MREG: variants seen among roughly 807,000 people sequenced by gnomAD.
MREG encodes the protein dilute suppressor protein homolog.
Under a neutral mutation model 28.5 loss-of-function variants are expected in MREG, and 31 were observed. That is an observed-to-expected ratio of 1.09 (90% CI 0.82 to 1.47). The LOEUF (loss-of-function observed/expected upper bound fraction) is 1.47, where lower values mean the gene tolerates loss of function less well. MREG is among the 40% of genes most tolerant of loss of function. MREG has a pLI of 0.00. For synonymous variants in MREG, 106 were observed against 95.2 expected (o/e 1.11, Z -0.66); for missense variants, 256 against 257.4 (o/e 0.99, Z 0.04).
chr2:216,009,502 C>T (rs1694242772), intron 1 of MREG, among the ~76,000 whole-genome samples: 1 of 152,130 alleles, frequency 6.6e-6, no homozygotes, highest in Non-Finnish European at 1.5e-5. Context: ...ATCTCCCAGG[C>T]CTCTGATGTC....
intron 1 of MREG, among the ~76,000 whole-genome samples, chr2:216,021,276 T>C (rs1194876328): frequency 2.6e-5 from 4 of 152,018 alleles, no homozygotes; most frequent in African/African-American, 9.7e-5. Context: ...GCCTCCCGAG[T>C]AGCTGGGACC....
At chr2:216,011,117 TG>T (rs1694297874) in intron 1 of MREG, among the ~76,000 whole-genome samples, 2 of 142,464 alleles carry the variant, frequency 1.4e-5, no homozygotes, top group African/African-American at 5.3e-5. Flanking sequence ...AAAAAAATAG[TG>T]GTGATTGTTG....
rs1192370069 is a variant in MREG at position 215,943,245 on chromosome 2, A to G, written c.*1618T>C. The G allele has an allele frequency of 3.0e-6, 1 of 335,546 alleles. No homozygotes were observed. Among genetic ancestry groups the G allele is most frequent in the Non-Finnish European group, 5.9e-6 (1 of 168,190 alleles). 20.8% of individuals were successfully genotyped at this position (335,546 alleles called of 1,614,324 possible). On this transcript the variant is annotated 3_prime_UTR_variant, in exon 5 of 5. Coordinates refer to ENST00000263268, the MANE Select transcript of MREG (RefSeq NM_018000.3). ...AAATCCTTAAAGTCTTTTCAGTAAC[A>G]TGAACCATGATCTCTTGACAAGTTC...
At chr2:215,974,878 T>C (rs901096593) in intron 2 of MREG, among the ~76,000 whole-genome samples, 6 of 143,428 alleles carry the variant, frequency 4.2e-5, no homozygotes, top group African/African-American at 1.3e-4. Context: ...TCTCTCTCCC[T>C]CTCTCCACCT....
chr2:215,979,671 T>C (rs1198535569), intron 2 of MREG, among the ~76,000 whole-genome samples: 1 of 151,854 alleles, frequency 6.6e-6, no homozygotes, highest in Non-Finnish European at 1.5e-5. Flanking sequence ...GGTCTCTCAC[T>C]CACTCTTTTT....
Position 215,975,008 on chromosome 2 carries a change from T to TTTTATATATATATATATATATA in MREG, c.255+21297_255+21298insTATATATATATATATATATAAA, listed in dbSNP as rs143806765. ...GGGAGAGAATTTTATTTTATATGAA[T>TTTTATATATATATATATATATA]TATATATATATATATATATGAAATA... On this transcript the variant is annotated intron_variant, in intron 2 of 4. Coordinates refer to ENST00000263268, the MANE Select transcript of MREG (RefSeq NM_018000.3). Among the ~76,000 whole-genome samples the TTTTATATATATATATATATATA allele has an allele frequency of 5.2e-4, 55 of 106,608 alleles. 2 individuals are homozygous for TTTTATATATATATATATATATA. The highest frequency in any genetic ancestry group is 6.3e-4 in the African/African-American group (20 of 31,752). The allele number at this position is 106,608 out of a possible 152,430, so 69.9% of individuals were successfully genotyped here. A position where few individuals can be genotyped will look rare whatever the true frequency, so the allele number is the denominator to read the frequency against.
intron 2 of MREG, among the ~76,000 whole-genome samples, chr2:215,974,848 A>T (rs1437898000): frequency 2.2e-5 from 3 of 136,534 alleles, no homozygotes; most frequent in African/African-American, 5.5e-5. Flanking sequence ...ACACACACAC[A>T]CACACTCTCT....
At chr2:215,949,755 T>A (rs1692438014) in intron 2 of MREG, among the ~76,000 whole-genome samples, 2 of 152,320 alleles carry the variant, frequency 1.3e-5, no homozygotes, top group African/African-American at 4.8e-5. Context: ...TTATAACTGA[T>A]CCATTTCCAC....
At chr2:215,989,703 G>A (rs534019979) in intron 2 of MREG, among the ~76,000 whole-genome samples, 3 of 151,926 alleles carry the variant, frequency 2.0e-5, no homozygotes, top group Non-Finnish European at 4.4e-5. Context: ...GAACGTAAAT[G>A]ACCTAATGGA....
intron 1 of MREG, among the ~76,000 whole-genome samples, chr2:216,010,352 C>CTAT (rs1332869944): frequency 1.3e-4 from 10 of 75,634 alleles, no homozygotes; most frequent in Non-Finnish European, 2.7e-4. Context: ...GAAAAGATTT[C>CTAT]TCTTTTTTTT....
At chr2:216,005,313 G>A (rs1694119239) in intron 1 of MREG, among the ~76,000 whole-genome samples, 1 of 152,118 alleles carries the variant, frequency 6.6e-6, no homozygotes, top group Non-Finnish European at 1.5e-5. Flanking sequence ...CAAAACAAAA[G>A]TACATCTTTA....
At chr2:216,009,610 A>C (rs1694244814) in intron 1 of MREG, among the ~76,000 whole-genome samples, 2 of 152,162 alleles carry the variant, frequency 1.3e-5, no homozygotes, top group Non-Finnish European at 2.9e-5. Flanking sequence ...AGGAACACAA[A>C]CATGCTCAGG....
chr2:215,989,486 C>A (rs1559189001), intron 2 of MREG, among the ~76,000 whole-genome samples: 2 of 152,120 alleles, frequency 1.3e-5, no homozygotes, highest in African/African-American at 2.4e-5. Context: ...AATGCCTCTT[C>A]TCCTCCAAAG....
chr2:215,981,271 A>G (rs138392440), intron 2 of MREG, among the ~76,000 whole-genome samples: 206 of 152,306 alleles, frequency 1.4e-3, no homozygotes, highest in African/African-American at 4.6e-3. Context: ...CCATCAATGG[A>G]TGAGTGAGTA....
chr2:216,015,347 G>A (rs1694430909), upstream of MREG, among the ~76,000 whole-genome samples: 1 of 152,102 alleles, frequency 6.6e-6, no homozygotes. Flanking sequence ...ATTTCAGGCG[G>A]AGTGAATATG....
At chr2:215,968,651 A>G (rs927776916) in intron 2 of MREG, among the ~76,000 whole-genome samples, 2 of 152,156 alleles carry the variant, frequency 1.3e-5, no homozygotes, top group Non-Finnish European at 2.9e-5. Context: ...GTAGCCTACA[A>G]TCAAAACTTA....
upstream of MREG, among the ~76,000 whole-genome samples, chr2:216,016,114 A>G (rs1694445838): frequency 6.6e-6 from 1 of 152,212 alleles, no homozygotes; most frequent in Non-Finnish European, 1.5e-5. Flanking sequence ...CTGGGGAGAC[A>G]GGATATGGAC....
At chr2:215,968,309 G>A (rs1447490658) in intron 2 of MREG, among the ~76,000 whole-genome samples, 1 of 152,126 alleles carries the variant, frequency 6.6e-6, no homozygotes, top group Non-Finnish European at 1.5e-5. Context: ...CATTACCACA[G>A]CATCAGGTAA....
At chr2:215,969,042 A>ATTACT (rs1693018741) in intron 2 of MREG, among the ~76,000 whole-genome samples, 1 of 152,232 alleles carries the variant, frequency 6.6e-6, no homozygotes, top group South Asian at 2.1e-4. Flanking sequence ...TACAGGCGTG[A>ATTACT]GCCACTGCAC....
Sources: allele counts gnomAD v4.1 joint callset (sites outside exome capture counted in the v4.1 genomes callset), GRCh38; gene constraint gnomAD v4.1.1; transcripts MANE v1.5; gene names NCBI Gene and HGNC (gene_info 2026-07-23, HGNC 2026-07-21).